The following BTBD10 variants were observed in gnomAD, a reference collection of about 807,000 sequenced individuals.
BTBD10 encodes BTB/POZ domain-containing protein 10.
BTBD10 carries 21 observed loss-of-function variants against 53.2 expected under a neutral mutation model. That is an observed-to-expected ratio of 0.39 (90% CI 0.28 to 0.57). The LOEUF is 0.57. Among genes scored for constraint, BTBD10 ranks in the 20% least tolerant of loss-of-function variants. The pLI is 0.53. For missense variants in BTBD10, 360 were observed against 594.7 expected (o/e 0.61, Z 4.10); for synonymous variants, 149 against 192.7 (o/e 0.77, Z 1.88).
chr11:13,459,235 T>A (rs1374238597), intron 1 of BTBD10, among the ~76,000 whole-genome samples: 1 of 151,548 alleles, frequency 6.6e-6, no homozygotes, highest in African/African-American at 2.4e-5. Context: ...TTTTTTTGTA[T>A]TTTTAGTAGA....
intron 8 of BTBD10, among the ~76,000 whole-genome samples, chr11:13,397,151 T>G (rs562939560): frequency 1.2e-4 from 19 of 152,350 alleles, no homozygotes; most frequent in Admixed American, 8.5e-4. Flanking sequence ...GTAGAATTTG[T>G]CTGTGAATCC....
intron 4 of BTBD10, 139 bp from the exon 5 acceptor site, chr11:13,417,399 A>G (rs1182764089): frequency 1.7e-6 from 1 of 576,874 alleles, no homozygotes; most frequent in African/African-American, 1.9e-5. Context: ...TATTCTGGCA[A>G]ACATCATAAA....
intron 1 of BTBD10, among the ~76,000 whole-genome samples, chr11:13,453,373 T>G (rs551754839): frequency 6.6e-6 from 1 of 152,248 alleles, no homozygotes; most frequent in South Asian, 2.1e-4. Context: ...TCTAGAAATA[T>G]CACATAAAAT....
At chr11:13,389,527 A>G (rs1373345472) in intron 8 of BTBD10, among the ~76,000 whole-genome samples, 1 of 151,754 alleles carries the variant, frequency 6.6e-6, no homozygotes, top group Non-Finnish European at 1.5e-5. Context: ...TCCCAGGTTC[A>G]AGCAATTCTC....
chr11:13,389,232 A>G (rs1277438922), intron 8 of BTBD10, 91 bp from the exon 9 acceptor site: 2 of 1,026,958 alleles, frequency 1.9e-6, no homozygotes, highest in Admixed American at 2.5e-5. Flanking sequence ...TATAGATCCT[A>G]AAGAAACAAA....
At chr11:13,460,679 A>T (rs558207807) in intron 1 of BTBD10, among the ~76,000 whole-genome samples, 7 of 152,284 alleles carry the variant, frequency 4.6e-5, no homozygotes, top group African/African-American at 1.2e-4. Context: ...CACTTTCTCC[A>T]CCCAGTTCTT....
intron 8 of BTBD10, among the ~76,000 whole-genome samples, chr11:13,395,194 T>C (rs999271496): frequency 6.6e-6 from 1 of 150,868 alleles, no homozygotes; most frequent in African/African-American, 2.4e-5. Flanking sequence ...CCACATCCTC[T>C]CCAGCACCTG....
At chr11:13,455,710 A>C (rs1950951937) in intron 1 of BTBD10, among the ~76,000 whole-genome samples, 2 of 152,350 alleles carry the variant, frequency 1.3e-5, no homozygotes, top group Admixed American at 1.3e-4. Flanking sequence ...AATGCTCCTG[A>C]AGCTGATGCC....
At chr11:13,396,191 T>C (rs1356530369) in intron 8 of BTBD10, among the ~76,000 whole-genome samples, 1 of 152,218 alleles carries the variant, frequency 6.6e-6, no homozygotes, top group Non-Finnish European at 1.5e-5. Context: ...TTCTTCCATT[T>C]GTTTGTATCC....
chr11:13,436,967 G>A (rs920212760), intron 2 of BTBD10, among the ~76,000 whole-genome samples: 1 of 152,062 alleles, frequency 6.6e-6, no homozygotes, highest in African/African-American at 2.4e-5. Flanking sequence ...AATTTTAGTA[G>A]AGACAGGGTT....
intron 2 of BTBD10, among the ~76,000 whole-genome samples, chr11:13,422,709 T>C (rs1179536857): frequency 6.6e-6 from 1 of 152,170 alleles, no homozygotes; most frequent in Non-Finnish European, 1.5e-5. Context: ...TCTGACTACA[T>C]AAAGTCACAG....
intron 5 of BTBD10, among the ~76,000 whole-genome samples, chr11:13,415,372 G>A (rs903466624): frequency 6.6e-6 from 1 of 152,112 alleles, no homozygotes; most frequent in Admixed American, 6.5e-5. Flanking sequence ...CGCCTAAAAC[G>A]AATGCTGAGG....
At chr11:13,419,078 G>C (rs1007341539) in intron 4 of BTBD10, among the ~76,000 whole-genome samples, 1 of 146,246 alleles carries the variant, frequency 6.8e-6, no homozygotes, top group Non-Finnish European at 1.5e-5. Context: ...AAACAATGCT[G>C]ATTGTTTATA....
Position 13,403,706 on chromosome 11 carries a change from C to T in BTBD10, c.1007-428G>A, listed in dbSNP as rs76437650. ...GGAAAAACTGCCTTGTCAAAGAGTA[C>T]AAAACAGATACATTTTACATTTCAT... is the stretch of plus-strand genomic sequence containing the variant. On this transcript the variant is annotated intron_variant, in intron 7 of 8. Coordinates refer to ENST00000278174, the MANE Select transcript of BTBD10 (RefSeq NM_032320.7). Among the ~76,000 whole-genome samples the T allele has an allele frequency of 4.6e-3, 698 of 152,274 alleles. 3 individuals are homozygous for T. The highest frequency in any genetic ancestry group is 6.8e-3 in the Non-Finnish European group (462 of 67,990).
intron 2 of BTBD10, among the ~76,000 whole-genome samples, chr11:13,441,943 T>C (rs1377037688): frequency 2.0e-5 from 3 of 152,180 alleles, no homozygotes; most frequent in Non-Finnish European, 4.4e-5. Flanking sequence ...TGGAAATTTC[T>C]GAGAAATTTA....
In BTBD10 at chr11:13,453,564, C is replaced by T. The variant is rs570464383; in HGVS notation, c.-57-8383G>A. On this transcript the variant is annotated intron_variant, in intron 1 of 8. Coordinates refer to ENST00000278174, the MANE Select transcript of BTBD10 (RefSeq NM_032320.7). The stretch of plus-strand genomic sequence containing the variant: ...TTTTCTTCCTTGTTTAATTTTACTG[C>T]TTAAGTGTAGTTTTGTAAATTTTTT... Among the ~76,000 whole-genome samples the T allele has an allele frequency of 4.6e-5, 7 of 152,228 alleles. No individual in the cohort carries two copies. In the South Asian group the frequency reaches 1.0e-3, roughly 23 times the overall value.
At chr11:13,399,060 G>A (rs1465273709) in intron 8 of BTBD10, among the ~76,000 whole-genome samples, 20 of 152,026 alleles carry the variant, frequency 1.3e-4, no homozygotes, top group African/African-American at 2.2e-4. Context: ...TCTTTGTGGC[G>A]TTCTCTGTAT....
At chr11:13,440,948 A>C (rs563926155) in intron 2 of BTBD10, among the ~76,000 whole-genome samples, 10 of 152,232 alleles carry the variant, frequency 6.6e-5, no homozygotes, top group Non-Finnish European at 8.8e-5. Flanking sequence ...TCACAAATTC[A>C]GGCCAAATAC....
At chr11:13,398,954 TTCTC>T (rs1390912603) in intron 8 of BTBD10, among the ~76,000 whole-genome samples, 1 of 152,240 alleles carries the variant, frequency 6.6e-6, no homozygotes, top group Non-Finnish European at 1.5e-5. Context: ...TACCCGACCT[TTCTC>T]TCTGGCTGCC....
Sources: allele counts gnomAD v4.1 joint callset (sites outside exome capture counted in the v4.1 genomes callset), GRCh38; gene constraint gnomAD v4.1.1; transcripts MANE v1.5; gene names NCBI Gene and HGNC (gene_info 2026-07-23, HGNC 2026-07-21).